The following KALRN variants were observed in gnomAD, a reference collection of about 807,000 sequenced individuals.
KALRN encodes the protein kalirin.
A neutral mutation model predicts 353.7 loss-of-function variants in KALRN; 70 were observed. The observed-to-expected ratio is 0.20, with a 90% CI of 0.16 to 0.24. KALRN has a LOEUF of 0.24. Ranked by LOEUF, KALRN falls within the 10% of genes least tolerant of loss-of-function variation. KALRN has a pLI of 1.00. For synonymous variants in KALRN, 1,391 were observed against 1,434.8 expected, an observed-to-expected ratio of 0.97 and a Z score of 0.69; for missense variants, 2,791 against 3,756.7, an observed-to-expected ratio of 0.74 and a Z score of 6.72.
chr3:124,514,481 C>G (rs80041375), intron 33 of KALRN, among the ~76,000 whole-genome samples: 1 of 152,182 alleles, frequency 6.6e-6, no homozygotes, highest in Non-Finnish European at 1.5e-5. Context: ...AAGCAACTAA[C>G]AGTAACCACT....
intron 33 of KALRN, among the ~76,000 whole-genome samples, chr3:124,510,745 C>T (rs2065813388): frequency 1.3e-5 from 2 of 152,132 alleles, no homozygotes; most frequent in South Asian, 4.2e-4. Context: ...CCATCTAATG[C>T]TTATTTGTTA....
At chr3:124,250,353 C>A (rs1015570703) in intron 3 of KALRN, among the ~76,000 whole-genome samples, 1 of 152,102 alleles carries the variant, frequency 6.6e-6, no homozygotes, top group Non-Finnish European at 1.5e-5. Flanking sequence ...GGGGGTGTGA[C>A]AAGAGAATGA....
chr3:124,496,456 T>TG, intron 33 of KALRN, 43 bp downstream of exon 33: 1 of 1,398,494 alleles, frequency 7.2e-7, no homozygotes, highest in East Asian at 2.3e-5. Flanking sequence ...GACTTCTTGA[T>TG]GGCTCAACCA....
intron 5 of KALRN, among the ~76,000 whole-genome samples, chr3:124,272,029 G>A (rs1246636114): frequency 6.6e-6 from 1 of 152,138 alleles, no homozygotes; most frequent in Non-Finnish European, 1.5e-5. Context: ...GGGGACTACT[G>A]GAGGCAGTAA....
At chr3:124,200,695 T>C (rs1459317476) in intron 1 of KALRN, among the ~76,000 whole-genome samples, 1 of 152,154 alleles carries the variant, frequency 6.6e-6, no homozygotes, top group East Asian at 1.9e-4. Flanking sequence ...GCATGTTACA[T>C]GGGAGGGGTT....
chr3:124,202,228 C>A (rs2076002572), intron 1 of KALRN, among the ~76,000 whole-genome samples: 1 of 152,080 alleles, frequency 6.6e-6, no homozygotes, highest in Admixed American at 6.5e-5. Context: ...AGAGAAGTGG[C>A]AGCCACTTCA....
chr3:124,419,051 G>A (rs373912204), intron 14 of KALRN, among the ~76,000 whole-genome samples: 1 of 151,514 alleles, frequency 6.6e-6, no homozygotes, highest in South Asian at 2.1e-4. Context: ...CAGCCTGGGC[G>A]ACACAGCGAA....
At chr3:124,055,666 A>T (rs2041463828) in intron 1 of KALRN, among the ~76,000 whole-genome samples, 1 of 152,214 alleles carries the variant, frequency 6.6e-6, no homozygotes, top group Non-Finnish European at 1.5e-5. Flanking sequence ...TGACAGACTC[A>T]TGCGCTGAGT....
chr3:124,203,273 A>G (rs2150411992), intron 1 of KALRN, among the ~76,000 whole-genome samples: 1 of 152,288 alleles, frequency 6.6e-6, no homozygotes, highest in East Asian at 1.9e-4. Flanking sequence ...CCCTGAGCTG[A>G]GAGTCAGCCT....
chr3:124,679,887 G>GGACTCAT (rs1226255963), intron 51 of KALRN: 1 of 300,522 alleles, frequency 3.3e-6, no homozygotes, highest in East Asian at 9.0e-5. Flanking sequence ...TAAATGACAA[G>GGACTCAT]GACTCATTTC....
chr3:124,707,181 A>T (rs936279288), intron 57 of KALRN, among the ~76,000 whole-genome samples: 3 of 152,064 alleles, frequency 2.0e-5, no homozygotes, highest in African/African-American at 4.8e-5. Flanking sequence ...TCTACAAAAA[A>T]TAAAAGAAAA....
At chr3:124,409,142 T>C (rs964489058) in intron 13 of KALRN, among the ~76,000 whole-genome samples, 1 of 152,186 alleles carries the variant, frequency 6.6e-6, no homozygotes, top group African/African-American at 2.4e-5. Flanking sequence ...CTGCAGTTAA[T>C]TCAGGAGAGT....
chr3:124,100,686 A>C (rs1161400022), intron 1 of KALRN: 1 of 152,240 alleles, frequency 6.6e-6, no homozygotes, highest in Non-Finnish European at 1.5e-5. Flanking sequence ...TGGGACTGTC[A>C]ACATTCCTGT....
At chr3:124,605,907 T>C (rs775633226) in intron 34 of KALRN, among the ~76,000 whole-genome samples, 3 of 152,164 alleles carry the variant, frequency 2.0e-5, no homozygotes, top group Non-Finnish European at 2.9e-5. Context: ...TGAAATCCCC[T>C]CTATCCCAAC....
intron 10 of KALRN, among the ~76,000 whole-genome samples, chr3:124,374,800 A>G (rs575966686): frequency 1.3e-4 from 20 of 152,330 alleles, no homozygotes; most frequent in Non-Finnish European, 2.6e-4. Flanking sequence ...GCAAAGTTAC[A>G]TCTTTTGAGA....
rs896062368 is a variant in KALRN, at chr3:124,471,389, G to A, written c.4032-3274G>A. On this transcript the variant is annotated intron_variant, in intron 25 of 59. Transcript: ENST00000682506. Reference sequence around the variant, plus strand: ...AACCCTCCGCCTCCCAGGTTCAAGCGATTCTCCTGCCTCAGCCTCCTGAGT... The same window carrying A: ...AACCCTCCGCCTCCCAGGTTCAAGCAATTCTCCTGCCTCAGCCTCCTGAGT... Among the ~76,000 whole-genome samples, 62 of 151,528 alleles carry A rather than the reference G, an allele frequency of 4.1e-4. 1 individual carries two copies. The highest frequency in any genetic ancestry group is 1.4e-3 in the African/African-American group (56 of 41,228).
At position 124,334,256 on chromosome 3, in the gene KALRN, T is replaced by A. The variant is rs375963127; in HGVS notation, c.1417-9T>A. On this transcript the variant is annotated splice_polypyrimidine_tract_variant and intron_variant, in intron 8 of 59. Transcript: ENST00000682506. This position sits in a 1 kb window ranked among gnomAD's most constrained non-coding sequence, Gnocchi z 4.2. ...TTTCCCTTAACTTAAACTTCTCTCT[T>A]TCCTGCAGGTCAGCCAGGATGGCAA... is the stretch of plus-strand genomic sequence containing the variant. 1.8e-5 allele frequency: 29 copies of A among 1,612,092 alleles called. No individual in the cohort carries two copies. The African/African-American group carries it at 3.7e-4, about 21-fold the overall frequency.
At chr3:124,149,987 C>A (rs1047043902) in intron 1 of KALRN, among the ~76,000 whole-genome samples, 1 of 152,230 alleles carries the variant, frequency 6.6e-6, no homozygotes, top group Non-Finnish European at 1.5e-5. Flanking sequence ...TGCTCCCAAT[C>A]TTCCCTTTCC....
At chr3:124,495,363 A>G (rs561905210) in intron 32 of KALRN, among the ~76,000 whole-genome samples, 6 of 152,340 alleles carry the variant, frequency 3.9e-5, no homozygotes, top group Admixed American at 2.6e-4. Context: ...GTCTAATATC[A>G]GGAATTTCCC....
Sources: allele counts gnomAD v4.1 joint callset (sites outside exome capture counted in the v4.1 genomes callset), GRCh38; gene constraint gnomAD v4.1.1; non-coding constraint Gnocchi (gnomAD v3.1); transcripts MANE v1.5; gene names NCBI Gene and HGNC (gene_info 2026-07-23, HGNC 2026-07-21).